DCDC2: variants seen among roughly 807,000 people sequenced by gnomAD.
DCDC2 encodes doublecortin domain containing 2, also known as doublecortin domain-containing protein 2.
Under a neutral mutation model 50.2 loss-of-function variants are expected in DCDC2, and 40 were observed. The ratio of observed to expected loss-of-function variants is 0.80; its 90% CI spans 0.62 to 1.04. The LOEUF is 1.04. DCDC2 is among the 50% of genes least tolerant of loss of function. DCDC2 has a pLI of 0.00. For synonymous variants in DCDC2, 234 were observed against 210.6 expected (o/e 1.11, Z -0.96); for missense variants, 570 against 581.9 (o/e 0.98, Z 0.21).
At chr6:24,291,775 G>A (rs377423931) in intron 4 of DCDC2, among the ~76,000 whole-genome samples, 8 of 152,094 alleles carry the variant, frequency 5.3e-5, no homozygotes, top group East Asian at 1.9e-4. Flanking sequence ...ATGAGCCACC[G>A]CGCCCGGCCT....
At position 24,172,989 on chromosome 6, in the gene DCDC2, A is replaced by AAATAATAATAATAATAATAATAAT. The variant is rs10529373; in HGVS notation, c.*1717_*1740dup. On this transcript the variant is annotated 3_prime_UTR_variant, in exon 10 of 10. Transcript: ENST00000378454. Reference sequence around the variant, plus strand: ...GACAAGAGCAAGACTTCATCTCAAAAAATAATAATAATAATAATAATAATA... The same window carrying AAATAATAATAATAATAATAATAAT: ...GACAAGAGCAAGACTTCATCTCAAAAAATAATAATAATAATAATAATAATAATAATAATAATAATAATAATAATA... 96 of 145,948 alleles carry AAATAATAATAATAATAATAATAAT rather than the reference A, an allele frequency of 6.6e-4. 1 individual carries two copies. Among genetic ancestry groups the AAATAATAATAATAATAATAATAAT allele is most frequent in the East Asian group, 3.1e-3 (15 of 4,844 alleles). The allele number at this position is 145,948 out of a possible 1,614,324, so 9.0% of individuals were successfully genotyped here. A position where few individuals can be genotyped will look rare whatever the true frequency, so the allele number is the denominator to read the frequency against.
Position 24,267,551 on chromosome 6 carries a change from T to C in DCDC2, c.922+10498A>G, listed in dbSNP as rs574968808. 2.6e-5 allele frequency among the ~76,000 whole-genome samples: 4 copies of C among 152,306 alleles called. No homozygotes were observed. The South Asian group carries it at 8.3e-4, about 32-fold the overall frequency. ...AGACTTGCTGGGTCTCAAAAAATAA[T>C]GACCATTTCTCTAGCCATTCTCCAG... On this transcript the variant is annotated intron_variant, in intron 7 of 9. Coordinates refer to ENST00000378454, the MANE Select transcript of DCDC2 (RefSeq NM_016356.5).
intron 7 of DCDC2, among the ~76,000 whole-genome samples, chr6:24,233,485 T>G (rs116183066): frequency 0.014 from 2,198 of 152,338 alleles, 16 homozygotes; most frequent in Middle Eastern, 0.044. Context: ...GATTATAAAT[T>G]GCTTAGTGTC....
At chr6:24,235,600 C>T (rs1762427915) in intron 7 of DCDC2, among the ~76,000 whole-genome samples, 1 of 152,238 alleles carries the variant, frequency 6.6e-6, no homozygotes, top group East Asian at 1.9e-4. Context: ...AATCCAACAT[C>T]CCTTCATAAT....
chr6:24,290,670 G>T (rs1460280549), intron 5 of DCDC2, among the ~76,000 whole-genome samples: 2 of 151,440 alleles, frequency 1.3e-5, no homozygotes, highest in Admixed American at 6.6e-5. Flanking sequence ...ATAAATTTTT[G>T]CATTTACTTA....
intron 8 of DCDC2, among the ~76,000 whole-genome samples, chr6:24,198,154 C>G (rs987075107): frequency 3.9e-5 from 6 of 152,158 alleles, no homozygotes; most frequent in Non-Finnish European, 8.8e-5. Flanking sequence ...CCAACCAAAA[C>G]AATCTCAAGG....
At chr6:24,348,347 T>G (rs1444421548) in intron 2 of DCDC2, among the ~76,000 whole-genome samples, 1 of 152,096 alleles carries the variant, frequency 6.6e-6, no homozygotes, top group Non-Finnish European at 1.5e-5. Context: ...CCAATAAAGA[T>G]CTCCGTAAAA....
the DCDC2 span, among the ~76,000 whole-genome samples, chr6:24,381,347 T>A: frequency 2.6e-5 from 4 of 152,170 alleles, no homozygotes; most frequent in Non-Finnish European, 5.9e-5. Flanking sequence ...AACTCACTCA[T>A]CTGTTAACTG....
rs147262556 is a variant in DCDC2, at chr6:24,322,917, T to C, written c.349-20873A>G. 2.6e-3 allele frequency among the ~76,000 whole-genome samples: 391 copies of C among 152,332 alleles called. 3 individuals are homozygous for C. The highest frequency in any genetic ancestry group is 3.0e-3 in the Non-Finnish European group (206 of 68,030). On this transcript the variant is annotated intron_variant, in intron 2 of 9. Transcript: ENST00000378454. ...CTGTGTCACAGGCCATGGTCACTCA[T>C]ATTTGGATCAGAATTAACCTCTTAA...
In DCDC2 at chr6:24,173,904, G is replaced by T. The variant is rs1760840279; in HGVS notation, c.*826C>A. The T allele has an allele frequency of 6.6e-6, 1 of 152,120 alleles. No individual in the cohort carries two copies. The highest frequency in any genetic ancestry group is 1.5e-5 in the Non-Finnish European group (1 of 68,034). 9.4% of individuals were successfully genotyped at this position (152,120 alleles called of 1,614,324 possible). A position where few individuals can be genotyped will look rare whatever the true frequency, so the allele number is the denominator to read the frequency against. On this transcript the variant is annotated 3_prime_UTR_variant, in exon 10 of 10. Coordinates refer to ENST00000378454, the MANE Select transcript of DCDC2 (RefSeq NM_016356.5). ...TAATCTTTGGAATAGCCAATATCAGGTTCTCTAATAACATAAGGGAGAAGA... is the reference window on the plus strand; with the variant it reads ...TAATCTTTGGAATAGCCAATATCAGTTTCTCTAATAACATAAGGGAGAAGA...
At chr6:24,272,012 A>G (rs10806986) in intron 7 of DCDC2, among the ~76,000 whole-genome samples, 79,561 of 151,978 alleles carry the variant, frequency 0.52, 25,323 homozygotes, top group East Asian at 0.78. Flanking sequence ...TATATCAGCT[A>G]TGAAAGAATG....
rs542275916 is a variant in DCDC2, at chr6:24,286,592, C to CAA, written c.759+2258_759+2259dup. 9.8e-3 allele frequency among the ~76,000 whole-genome samples: 1,195 copies of CAA among 121,734 alleles called. 7 individuals carry two copies. Among genetic ancestry groups the CAA allele is most frequent in the Middle Eastern group, 0.017 (4 of 242 alleles). 79.9% of individuals were successfully genotyped at this position (121,734 alleles called of 152,430 possible). ...TGGGTGACAGAGTGAGACCCTGTCT[C>CAA]AAAAAAAAAAAAAAAACCACCTGCA... On this transcript the variant is annotated intron_variant, in intron 6 of 9. Transcript: ENST00000378454.
intron 2 of DCDC2, among the ~76,000 whole-genome samples, chr6:24,314,479 AAAAAACAAAAAC>A (rs151094615): frequency 1.3e-5 from 2 of 151,686 alleles, no homozygotes; most frequent in Admixed American, 1.3e-4. Flanking sequence ...GTTGTCTCAA[AAAAAACAAAAAC>A]AAAAACAAAA....
chr6:24,236,419 T>C (rs1256850557), intron 7 of DCDC2, among the ~76,000 whole-genome samples: 1 of 152,140 alleles, frequency 6.6e-6, no homozygotes, highest in African/African-American at 2.4e-5. Flanking sequence ...GATTTAAATG[T>C]AAAATCTCAA....
chr6:24,212,742 C>T (rs773583795), intron 7 of DCDC2, among the ~76,000 whole-genome samples: 8 of 152,132 alleles, frequency 5.3e-5, no homozygotes, highest in East Asian at 3.9e-4. Context: ...GTATATTACA[C>T]GGTAAAGCCA....
At chr6:24,260,829 C>T (rs756321157) in intron 7 of DCDC2, among the ~76,000 whole-genome samples, 5 of 152,170 alleles carry the variant, frequency 3.3e-5, no homozygotes, top group African/African-American at 7.2e-5. Flanking sequence ...TGATGGTGCT[C>T]AATGGTTCAA....
chr6:24,323,461 T>C (rs1759805825), intron 2 of DCDC2, among the ~76,000 whole-genome samples: 1 of 152,222 alleles, frequency 6.6e-6, no homozygotes, highest in Non-Finnish European at 1.5e-5. Flanking sequence ...TTTAATGTTC[T>C]AGTGTTGATA....
At chr6:24,303,197 T>A (rs1366755818) in intron 2 of DCDC2, among the ~76,000 whole-genome samples, 2 of 151,972 alleles carry the variant, frequency 1.3e-5, no homozygotes, top group African/African-American at 2.4e-5. Context: ...ATTATTCCTA[T>A]TCCGACTTCC....
the DCDC2 span, among the ~76,000 whole-genome samples, chr6:24,364,685 C>G: frequency 6.6e-6 from 1 of 151,684 alleles, no homozygotes; most frequent in Non-Finnish European, 1.5e-5. Flanking sequence ...TAACCTAAAA[C>G]TTCAAAAACT....
Sources: gnomAD v4.1 joint callset for allele counts (sites outside exome capture counted in the v4.1 genomes callset) on GRCh38, gnomAD v4.1.1 for gene constraint, MANE v1.5 for transcripts, NCBI Gene and HGNC (gene_info 2026-07-23, HGNC 2026-07-21) for gene names.